JMJD1C: variants seen among roughly 807,000 people sequenced by gnomAD.
The protein encoded by JMJD1C is jumonji domain-containing protein 1C.
A neutral mutation model predicts 245.3 loss-of-function variants in JMJD1C; 31 were observed. The observed-to-expected ratio is 0.13, with a 90% CI of 0.09 to 0.17. JMJD1C has a LOEUF of 0.17. Among genes scored for constraint, JMJD1C ranks in the 10% least tolerant of loss-of-function variants. The pLI is 1.00. For missense variants in JMJD1C, 2,691 were observed against 3,000.2 expected, an observed-to-expected ratio of 0.90 and a Z score of 2.41; for synonymous variants, 1,057 against 1,017.4, an observed-to-expected ratio of 1.04 and a Z score of -0.74.
chr10:63,519,800 C>T (rs558623288), intron 1 of JMJD1C, among the ~76,000 whole-genome samples: 17 of 152,036 alleles, frequency 1.1e-4, no homozygotes, highest in Non-Finnish European at 1.6e-4. Context: ...AGGTAGGGAA[C>T]GGGTACATTA....
At chr10:63,427,362 C>T in intron 1 of JMJD1C, 1 of 1,032,724 alleles carries the variant, frequency 9.7e-7, no homozygotes, top group South Asian at 1.3e-5. Flanking sequence ...TCACCGCCTT[C>T]TGGCATCAGT....
intron 2 of JMJD1C, among the ~76,000 whole-genome samples, chr10:63,272,463 C>T (rs1856421345): frequency 6.6e-6 from 1 of 152,148 alleles, no homozygotes; most frequent in African/African-American, 2.4e-5. Flanking sequence ...GCTGACCAGG[C>T]TGGTCTCAAA....
chr10:63,208,364 A>T lies in JMJD1C; in HGVS notation c.3305T>A (p.Val1102Asp). 1 of 1,613,842 alleles carries T rather than the reference A, an allele frequency of 6.2e-7. No homozygotes were observed. The highest frequency in any genetic ancestry group is 8.5e-7 in the Non-Finnish European group (1 of 1,179,762). ...TGGGTATGATCTTGGTGGTTCATTGACCACACTATTAGACAATGTAGTGAA... is the reference window on the plus strand; with the variant it reads ...TGGGTATGATCTTGGTGGTTCATTGTCCACACTATTAGACAATGTAGTGAA... ...NYFTTLSNSV[V>D]NEPPRSYPSK... is the part of the protein sequence containing the mutation. The change falls in exon 10 of 26, where the codon GTC becomes GAC. Residue 1102 changes from valine to aspartate, a missense_variant. By Grantham distance (152) the Val-to-Asp change is radical. This residue lies in a region of JMJD1C where 1,562 missense variants were observed against 1,490.7 expected (regional missense o/e 1.05). Coordinates refer to ENST00000399262, the MANE Select transcript of JMJD1C (RefSeq NM_032776.3).
intron 1 of JMJD1C, among the ~76,000 whole-genome samples, chr10:63,461,100 T>A (rs750354769): frequency 6.6e-6 from 1 of 152,188 alleles, no homozygotes; most frequent in African/African-American, 2.4e-5. Flanking sequence ...TAGCTAGTGG[T>A]AGTAACTGCA....
chr10:63,333,452 A>T (rs1216532479), intron 2 of JMJD1C, among the ~76,000 whole-genome samples: 1 of 152,096 alleles, frequency 6.6e-6, no homozygotes, highest in Non-Finnish European at 1.5e-5. Flanking sequence ...AGGGGACTGG[A>T]GCAGGTGAAG....
intron 1 of JMJD1C, among the ~76,000 whole-genome samples, chr10:63,461,397 G>A (rs1952789337): frequency 2.0e-5 from 3 of 151,990 alleles, no homozygotes; most frequent in African/African-American, 7.2e-5. Context: ...ATGTCAGACT[G>A]ACATAAAGAA....
chr10:63,353,762 C>T (rs1281698595), intron 2 of JMJD1C, among the ~76,000 whole-genome samples: 1 of 152,126 alleles, frequency 6.6e-6, no homozygotes, highest in East Asian at 1.9e-4. Context: ...CCGCCTCAGC[C>T]TCCCAAGCGC....
At chr10:63,303,253 G>T (rs576196547) in intron 2 of JMJD1C, among the ~76,000 whole-genome samples, 43 of 152,258 alleles carry the variant, frequency 2.8e-4, no homozygotes, top group African/African-American at 9.6e-4. Flanking sequence ...CTCATTGAGG[G>T]AAGAGAGGCA....
In JMJD1C at chr10:63,215,359, T is replaced by A; in HGVS notation, c.919A>T (p.Arg307Ter). Residue 307 changes from arginine (R) to a stop codon, truncating the protein, a stop_gained, in exon 7 of 26, where the codon AGA (arginine) becomes TGA (stop). Coordinates refer to ENST00000399262, the MANE Select transcript of JMJD1C (RefSeq NM_032776.3). LOFTEE classifies it high-confidence loss of function. ...TTCCTCTTATTTGGACGGATACTTC[T>A]TTGTTGCTGTTGCTGGTGTGTATTC... The part of the protein sequence containing the change: ...KQNTHQQQQQ[R>*]SIRPNKRKGS... 1 of 1,614,178 alleles carries A rather than the reference T, an allele frequency of 6.2e-7. No homozygotes were observed. The highest frequency in any genetic ancestry group is 8.5e-7 in the Non-Finnish European group (1 of 1,180,012).
intron 2 of JMJD1C, among the ~76,000 whole-genome samples, chr10:63,292,707 A>T (rs1589404166): frequency 6.6e-6 from 1 of 152,136 alleles, no homozygotes; most frequent in East Asian, 1.9e-4. Flanking sequence ...CCTCTTTATT[A>T]ACAGGATGAT....
intron 10 of JMJD1C, chr10:63,204,696 C>T (rs1277401246): frequency 1.0e-6 from 1 of 985,360 alleles, no homozygotes; most frequent in Non-Finnish European, 1.2e-6. Context: ...AGGTATCCTT[C>T]GATGTTAATC....
chr10:63,368,371 G>C (rs970516928), intron 2 of JMJD1C, among the ~76,000 whole-genome samples: 15 of 152,266 alleles, frequency 9.9e-5, no homozygotes, highest in African/African-American at 3.4e-4. Flanking sequence ...TCACGAACAT[G>C]GAGACCTTAC....
At chr10:63,388,370 A>G (rs972895711) in intron 1 of JMJD1C, among the ~76,000 whole-genome samples, 1 of 152,048 alleles carries the variant, frequency 6.6e-6, no homozygotes, top group Non-Finnish European at 1.5e-5. Flanking sequence ...AGCCGAATAT[A>G]CTATACCAAA....
intron 3 of JMJD1C, among the ~76,000 whole-genome samples, chr10:63,235,358 G>C (rs1234453324): frequency 2.0e-5 from 3 of 152,082 alleles, no homozygotes; most frequent in Non-Finnish European, 4.4e-5. Flanking sequence ...TTAGCTGGGT[G>C]TGGTGGCAAG....
rs146733824 is a variant in JMJD1C at position 63,359,004 on chromosome 10, G to C, written c.333+21314C>G. On this transcript the variant is annotated intron_variant, in intron 2 of 25. Coordinates refer to ENST00000399262, the MANE Select transcript of JMJD1C (RefSeq NM_032776.3). The stretch of plus-strand genomic sequence containing the variant: ...AAGCATGGTAATTGTGTGAATTTAA[G>C]AATATTACTACCAGATAGAAATCCA... 684 of 156,170 alleles carry C rather than the reference G, an allele frequency of 4.4e-3. 6 individuals carry two copies. The highest frequency in any genetic ancestry group is 0.016 in the African/African-American group (650 of 41,618). 9.7% of individuals were successfully genotyped at this position (156,170 alleles called of 1,614,324 possible).
intron 1 of JMJD1C, among the ~76,000 whole-genome samples, chr10:63,448,601 G>C (rs1951847176): frequency 6.6e-6 from 1 of 152,218 alleles, no homozygotes; most frequent in Admixed American, 6.5e-5. Flanking sequence ...AAATACATGA[G>C]AAAGTCAGTT....
chr10:63,366,422 A>G (rs1210044144), intron 2 of JMJD1C, among the ~76,000 whole-genome samples: 16 of 152,178 alleles, frequency 1.1e-4, no homozygotes, highest in African/African-American at 3.9e-4. Context: ...AATGTGTATC[A>G]TTTCTACGTA....
chr10:63,377,020 C>CA (rs1946796139), intron 2 of JMJD1C, among the ~76,000 whole-genome samples: 1 of 152,138 alleles, frequency 6.6e-6, no homozygotes, highest in African/African-American at 2.4e-5. Context: ...GGAAGTGACA[C>CA]AACTGTCCAT....
At chr10:63,494,479 T>C (rs1341002470) in intron 1 of JMJD1C, among the ~76,000 whole-genome samples, 1 of 152,182 alleles carries the variant, frequency 6.6e-6, no homozygotes, top group Admixed American at 6.5e-5. Flanking sequence ...CTTCTTTTTA[T>C]ATTATGGGAA....
Sources: allele counts gnomAD v4.1 joint callset (sites outside exome capture counted in the v4.1 genomes callset), GRCh38; gene constraint gnomAD v4.1.1; regional missense constraint gnomAD v4.1.1; transcripts MANE v1.5; gene names NCBI Gene and HGNC (gene_info 2026-07-23, HGNC 2026-07-21).